DDX60L: variants seen among roughly 807,000 people sequenced by gnomAD.
DDX60L encodes the protein probable ATP-dependent RNA helicase DDX60-like.
A neutral mutation model predicts 211.6 loss-of-function variants in DDX60L; 191 were observed. The observed-to-expected ratio is 0.90, with a 90% CI of 0.80 to 1.02. DDX60L has a LOEUF of 1.02. Among genes scored for constraint, DDX60L ranks in the 50% least tolerant of loss-of-function variants. The pLI is 0.00. For missense variants in DDX60L, 2,007 were observed against 1,984.1 expected (o/e 1.01, Z -0.22); for synonymous variants, 706 against 694.1 (o/e 1.02, Z -0.27).
intron 4 of DDX60L, among the ~76,000 whole-genome samples, chr4:168,467,080 T>C (rs1758085265): frequency 6.6e-6 from 1 of 152,180 alleles, no homozygotes; most frequent in South Asian, 2.1e-4. Flanking sequence ...TGTTATTCAG[T>C]GTAAAACTGC....
Position 168,390,496 on chromosome 4 carries a change from G to A in DDX60L, c.3915+1044C>T, listed in dbSNP as rs564182673. On this transcript the variant is annotated intron_variant, in intron 29 of 37. Coordinates refer to ENST00000682922, the MANE Select transcript of DDX60L (RefSeq NM_001012967.3). ...AACTCCTTTTCTCTGTAAAATCACAGTCTTCATATTCCAGTCTAGGAGAGT... is the reference window on the plus strand; with the variant it reads ...AACTCCTTTTCTCTGTAAAATCACAATCTTCATATTCCAGTCTAGGAGAGT... 4.3e-6 allele frequency: 6 copies of A among 1,395,970 alleles called. No individual in the cohort carries two copies. The South Asian group carries it at 7.2e-5, about 17-fold the overall frequency. 86.5% of individuals were successfully genotyped at this position (1,395,970 alleles called of 1,614,324 possible).
intron 9 of DDX60L, among the ~76,000 whole-genome samples, chr4:168,447,883 TG>T (rs1561093847): frequency 3.3e-5 from 2 of 60,408 alleles, no homozygotes; most frequent in African/African-American, 6.9e-5. Context: ...TGTTGTGGGG[TG>T]GGGGGAGGGG....
In DDX60L at chr4:168,379,328, C is replaced by A. The variant is rs567918330; in HGVS notation, c.4363+35G>T. ...TTTGGCTATTCAATAAATATGTTGC[C>A]ATTTTTCGACTACAGGTATAAAACC... On this transcript the variant is annotated intron_variant, in intron 32 of 37. Transcript: ENST00000682922. The A allele has an allele frequency of 3.4e-6, 5 of 1,478,744 alleles. 1 individual carries two copies. The South Asian group carries it at 6.0e-5, about 18-fold the overall frequency. The allele number at this position is 1,478,744 out of a possible 1,614,324, so 91.6% of individuals were successfully genotyped here. A position where few individuals can be genotyped will look rare whatever the true frequency, so the allele number is the denominator to read the frequency against.
At chr4:168,423,514 T>G (rs1750974820) in intron 15 of DDX60L, 94 bp downstream of exon 15, 1 of 872,384 alleles carries the variant, frequency 1.1e-6, no homozygotes, top group Non-Finnish European at 1.7e-6. Flanking sequence ...AATTGATAAC[T>G]CTATATGTGA....
chr4:168,396,585 C>T (rs1315081211), intron 26 of DDX60L, among the ~76,000 whole-genome samples: 1 of 151,964 alleles, frequency 6.6e-6, no homozygotes, highest in Non-Finnish European at 1.5e-5. Context: ...GAGACCCTTC[C>T]TGACTAGGCC....
intron 36 of DDX60L, among the ~76,000 whole-genome samples, chr4:168,363,380 G>C (rs1409778168): frequency 1.3e-5 from 2 of 152,114 alleles, no homozygotes; most frequent in South Asian, 4.1e-4. Context: ...AAAACTCATC[G>C]ATAGAAGTAA....
At chr4:168,426,986 G>T in intron 14 of DDX60L, 84 bp downstream of exon 14, 1 of 1,368,902 alleles carries the variant, frequency 7.3e-7, no homozygotes, top group Non-Finnish European at 9.8e-7. Flanking sequence ...CAAAGTTTTA[G>T]CACAACCATG....
intron 6 of DDX60L, among the ~76,000 whole-genome samples, chr4:168,456,729 C>A (rs1198989676): frequency 6.6e-6 from 1 of 151,968 alleles, no homozygotes; most frequent in Non-Finnish European, 1.5e-5. Context: ...GGAATAATAA[C>A]CCAATATGTA....
intron 35 of DDX60L, 37 bp from the exon 36 acceptor site, chr4:168,371,800 AT>A: frequency 3.9e-6 from 6 of 1,545,544 alleles, no homozygotes; most frequent in Non-Finnish European, 5.3e-6. Context: ...CATTACTGAT[AT>A]GTAAAGAGTA....
chr4:168,405,013 T>C (rs1747486462), intron 24 of DDX60L, among the ~76,000 whole-genome samples: 1 of 79,792 alleles, frequency 1.3e-5, no homozygotes, highest in Admixed American at 1.1e-4. Flanking sequence ...ATCAGTATCA[T>C]TTTTTTTTTT....
intron 30 of DDX60L, among the ~76,000 whole-genome samples, chr4:168,384,370 C>T (rs533268794): frequency 1.4e-4 from 22 of 152,034 alleles, no homozygotes; most frequent in Admixed American, 5.2e-4. Flanking sequence ...ACCTGTAGTC[C>T]CAGCTACTTG....
intron 14 of DDX60L, 150 bp downstream of exon 14, chr4:168,426,920 T>C: frequency 1.0e-6 from 1 of 953,148 alleles, no homozygotes. Context: ...CTGCAAAATA[T>C]AATAATAACT....
At chr4:168,373,881 A>C in intron 34 of DDX60L, 73 bp from the exon 35 acceptor site, 1 of 1,471,452 alleles carries the variant, frequency 6.8e-7, no homozygotes, top group African/African-American at 1.4e-5. Flanking sequence ...AACTCACTGT[A>C]GGTCAAGCCA....
intron 26 of DDX60L, 102 bp from the exon 27 acceptor site, chr4:168,396,226 T>C (rs1745765489): frequency 3.0e-6 from 2 of 665,406 alleles, no homozygotes; most frequent in African/African-American, 3.7e-5. Flanking sequence ...TCATCCGACG[T>C]TGACAGTAGC....
chr4:168,416,696 TG>T lies in DDX60L; in HGVS notation c.2711del (p.Pro904GlnfsTer11). ...FLVLSATINN[P>X]NLLTKWLQSV... ...CCTATACCTACTTGGTGAGAAGATT[TG>T]GGTTATTTATGGTAGCTGAAAGAAC... On this transcript the variant is annotated frameshift_variant, in exon 20 of 38. Coordinates refer to ENST00000682922, the MANE Select transcript of DDX60L (RefSeq NM_001012967.3). LOFTEE classifies it high-confidence loss of function. The T allele has an allele frequency of 6.3e-7, 1 of 1,595,554 alleles. No individual in the cohort carries two copies. Among genetic ancestry groups the T allele is most frequent in the South Asian group, 1.1e-5 (1 of 87,070 alleles).
chr4:168,369,698 C>A (rs969343270), intron 36 of DDX60L, among the ~76,000 whole-genome samples: 1 of 151,926 alleles, frequency 6.6e-6, no homozygotes, highest in African/African-American at 2.4e-5. Flanking sequence ...ACAAAAGATT[C>A]ATATCCAGAA....
At chr4:168,390,539 G>T in intron 29 of DDX60L, 1 of 1,372,236 alleles carries the variant, frequency 7.3e-7, no homozygotes, top group South Asian at 1.7e-5. Context: ...ATCTAAATTT[G>T]AATAAGAAAA....
chr4:168,448,793 A>G lies in DDX60L; in HGVS notation c.997-14T>C. On this transcript the variant is annotated splice_polypyrimidine_tract_variant and intron_variant, in intron 8 of 37. Coordinates refer to ENST00000682922, the MANE Select transcript of DDX60L (RefSeq NM_001012967.3). ...ACACCACTTGTTCTGAAAATTAAAAATAAAACATTATTAGCAGGGAGGCAT... is the reference window on the plus strand; with the variant it reads ...ACACCACTTGTTCTGAAAATTAAAAGTAAAACATTATTAGCAGGGAGGCAT... The G allele has an allele frequency of 6.3e-7, 1 of 1,596,458 alleles. No individual in the cohort carries two copies. Among genetic ancestry groups the G allele is most frequent in the South Asian group, 1.1e-5 (1 of 88,488 alleles).
At position 168,457,256 on chromosome 4, in the gene DDX60L, C is replaced by T. The variant is rs1207794490; in HGVS notation, c.723+636G>A. ...AAAACACCAAAAACATATATATAAA[C>T]TACATACACACACACACACACACAC... On this transcript the variant is annotated intron_variant, in intron 6 of 37. Coordinates refer to ENST00000682922, the MANE Select transcript of DDX60L (RefSeq NM_001012967.3). 5.6e-5 allele frequency among the ~76,000 whole-genome samples: 3 copies of T among 53,164 alleles called. No individual in the cohort carries two copies. In the East Asian group the frequency reaches 3.2e-3, roughly 56 times the overall value. 34.9% of individuals were successfully genotyped at this position (53,164 alleles called of 152,430 possible). A position where few individuals can be genotyped will look rare whatever the true frequency, so the allele number is the denominator to read the frequency against.
Sources: allele counts gnomAD v4.1 joint callset (sites outside exome capture counted in the v4.1 genomes callset), GRCh38; gene constraint gnomAD v4.1.1; transcripts MANE v1.5; gene names NCBI Gene and HGNC (gene_info 2026-07-23, HGNC 2026-07-21).